The following ZNF74 variants were observed in gnomAD, a reference collection of about 807,000 sequenced individuals.
The protein encoded by ZNF74 is zinc finger protein 74.
In ZNF74, 12 loss-of-function variants were observed where a neutral mutation model predicts 17.7. That is an observed-to-expected ratio of 0.68 (90% CI 0.43 to 1.10). ZNF74 has a LOEUF of 1.10. ZNF74 is among the 50% of genes least tolerant of loss of function. The probability of loss-of-function intolerance (pLI) is 0.00; values close to 1 mark genes in which losing one functional copy is unlikely to be tolerated. For synonymous variants in ZNF74, 358 were observed against 362.1 expected (o/e 0.99, Z 0.13); for missense variants, 811 against 881.0 (o/e 0.92, Z 1.01).
In ZNF74 at chr22:20,405,709, C is replaced by G. The variant is rs554990246; in HGVS notation, c.676C>G (p.Pro226Ala). Reference sequence around the variant, plus strand: ...GTGTGCAGGGGAAAACGCCTCCACGCCAAGTGAGCCAGAAAAGTTCCCCCA... The same window carrying G: ...GTGTGCAGGGGAAAACGCCTCCACGGCAAGTGAGCCAGAAAAGTTCCCCCA... Reference protein sequence around the residue: ...RLCAGENASTPSEPEKFPQVR... With the variant: ...RLCAGENASTASEPEKFPQVR... Residue 226 changes from proline (P) to alanine (A), a missense_variant, in exon 5 of 5, where the codon CCA (proline) becomes GCA (alanine). Physicochemically the swap from Pro to Ala is conservative, Grantham distance 27 (BLOSUM62 -1). Coordinates refer to ENST00000400451, the MANE Select transcript of ZNF74 (RefSeq NM_003426.4). 71 of 1,603,790 alleles carry G rather than the reference C, an allele frequency of 4.4e-5. No individual in the cohort carries two copies. The South Asian group carries it at 7.9e-4, about 18-fold the overall frequency.
At chr22:20,397,327 G>T (rs2052306510) in intron 2 of ZNF74, among the ~76,000 whole-genome samples, 1 of 152,162 alleles carries the variant, frequency 6.6e-6, no homozygotes, top group African/African-American at 2.4e-5. Context: ...TGTGTTCTCA[G>T]CATTTGTCCT....
Position 20,395,424 on chromosome 22 carries a change from T to C in ZNF74, c.120+6T>C. On this transcript the variant is annotated splice_donor_region_variant and intron_variant, in intron 2 of 4. Coordinates refer to ENST00000400451, the MANE Select transcript of ZNF74 (RefSeq NM_003426.4). Reference sequence around the variant, plus strand: ...TTCCCGAAGCCAGGTCCAAGGTGAGTGGCTGTGTGTTCTTCCTTCTTTATG... The same window carrying C: ...TTCCCGAAGCCAGGTCCAAGGTGAGCGGCTGTGTGTTCTTCCTTCTTTATG... 2 of 1,593,888 alleles carry C rather than the reference T, an allele frequency of 1.3e-6. No individual in the cohort carries two copies. Among genetic ancestry groups the C allele is most frequent in the Non-Finnish European group, 1.7e-6 (2 of 1,164,342 alleles).
intron 1 of ZNF74, chr22:20,394,907 C>A: frequency 1.9e-6 from 1 of 535,406 alleles, no homozygotes; most frequent in Non-Finnish European, 3.3e-6. Context: ...ATTGCAGGCG[C>A]GCGCCACCAC....
chr22:20,400,707 G>C lies in ZNF74; in HGVS notation c.196G>C (p.Ala66Pro), dbSNP rs565757923. 6.2e-7 allele frequency: 1 copy of C among 1,614,164 alleles called. No individual in the cohort carries two copies. The highest frequency in any genetic ancestry group is 8.5e-7 in the Non-Finnish European group (1 of 1,180,018). Residue 66 changes from alanine to proline, a missense_variant, in exon 3 of 5, where the codon GCC becomes CCC. This residue lies in a region of ZNF74 where 666 missense variants were observed against 702.3 expected (regional missense o/e 0.95). Transcript: ENST00000400451. ...EWGQLDSPQR[A>P]LYRDVMLENY... ...GGGTCAACTAGACTCCCCTCAGAGG[G>C]CCTTGTACCGGGATGTGATGTTGGA... is the stretch of plus-strand genomic sequence containing the variant.
At chr22:20,402,312 C>T (rs544800428) in intron 4 of ZNF74, among the ~76,000 whole-genome samples, 1 of 152,300 alleles carries the variant, frequency 6.6e-6, no homozygotes. Context: ...CTGATGCTTG[C>T]TTTGTCCTCT....
At position 20,405,673 on chromosome 22, in the gene ZNF74, C is replaced by T. The variant is rs771135714; in HGVS notation, c.640C>T (p.Pro214Ser). Residue 214 changes from proline (P) to serine (S), a missense_variant, in exon 5 of 5, where the codon CCC becomes TCC. Transcript: ENST00000400451. ...VQATEGRTKA[P>S]ARLCAGENAS... ...GGCCACTGAGGGCAGAACCAAGGCC[C>T]CCGCGAGACTGTGTGCAGGGGAAAA... is the stretch of plus-strand genomic sequence containing the variant. 6.2e-7 allele frequency: 1 copy of T among 1,610,940 alleles called. No homozygotes were observed. The highest frequency in any genetic ancestry group is 8.5e-7 in the Non-Finnish European group (1 of 1,178,702).
Position 20,401,329 on chromosome 22 carries a change from G to A in ZNF74, c.300G>A (p.Glu100=). 6.2e-7 allele frequency: 1 copy of A among 1,611,538 alleles called. No individual in the cohort carries two copies. The highest frequency in any genetic ancestry group is 8.5e-7 in the Non-Finnish European group (1 of 1,178,906). The change falls in exon 4 of 5, where the codon GAG becomes GAA. Residue 100 remains glutamate, a synonymous_variant. Transcript: ENST00000400451. The surrounding 1 kb of genome is among the most constrained non-coding windows in gnomAD (Gnocchi z 4.2). ...DVISHLERGE[E]PWSMQREVPR... ...TCTCTCATCTGGAACGAGGCGAGGA[G>A]CCATGGAGCATGCAGAGGGAAGTCC...
chr22:20,395,010 C>T (rs1441822541), intron 1 of ZNF74: 1 of 443,780 alleles, frequency 2.3e-6, no homozygotes, highest in Non-Finnish European at 4.0e-6. Flanking sequence ...GCCTCGGCCT[C>T]CCAAAGTGCT....
chr22:20,406,722 G>C lies in ZNF74; in HGVS notation c.1689G>C (p.Glu563Asp), dbSNP rs2052435160. 1.2e-6 allele frequency: 2 copies of C among 1,614,182 alleles called. No individual in the cohort carries two copies. Among genetic ancestry groups the C allele is most frequent in the Non-Finnish European group, 1.7e-6 (2 of 1,180,040 alleles). The change falls in exon 5 of 5, where the codon GAG becomes GAC. Residue 563 changes from glutamate (E) to aspartate (D), a missense_variant. Glu to Asp is a conservative substitution (Grantham distance 45). Transcript: ENST00000400451. ...EKSFKCEKCG[E>D]MFNWSSHLTE... Reference sequence around the variant, plus strand: ...CGTTTAAGTGTGAGAAATGTGGGGAGATGTTCAACTGGAGCTCGCACCTCA... The same window carrying C: ...CGTTTAAGTGTGAGAAATGTGGGGACATGTTCAACTGGAGCTCGCACCTCA...
intron 2 of ZNF74, chr22:20,399,552 A>G: frequency 2.5e-6 from 1 of 396,404 alleles, no homozygotes; most frequent in Non-Finnish European, 4.9e-6. Flanking sequence ...AATTATTAAT[A>G]TGGTTGGATT....
In ZNF74 at chr22:20,405,860, A is replaced by G; in HGVS notation, c.827A>G (p.Tyr276Cys). The change falls in exon 5 of 5, where the codon TAC becomes TGC. Residue 276 changes from tyrosine (Y) to cysteine (C), a missense_variant. By Grantham distance (194) the Tyr-to-Cys change is radical (BLOSUM62 -2). Transcript: ENST00000400451. ...HRRWHSREKA[Y>C]KCDECGKAFT... ...CGCTGGCACAGCCGGGAGAAGGCTTACAAGTGCGATGAATGCGGCAAGGCC... is the reference window on the plus strand; with the variant it reads ...CGCTGGCACAGCCGGGAGAAGGCTTGCAAGTGCGATGAATGCGGCAAGGCC... 1 of 1,613,656 alleles carries G rather than the reference A, an allele frequency of 6.2e-7. No homozygotes were observed. Among genetic ancestry groups the G allele is most frequent in the Non-Finnish European group, 8.5e-7 (1 of 1,179,892 alleles).
rs755190765 is a variant in ZNF74, at chr22:20,406,403, C to A, written c.1370C>A (p.Ala457Glu). The A allele has an allele frequency of 8.1e-6, 13 of 1,613,812 alleles. No homozygotes were observed. Among genetic ancestry groups the A allele is most frequent in the Non-Finnish European group, 1.0e-5 (12 of 1,179,988 alleles). The change falls in exon 5 of 5, where the codon GCG becomes GAG. Residue 457 changes from alanine (A) to glutamate (E), a missense_variant. This residue lies in a region of ZNF74 where 666 missense variants were observed against 702.3 expected (regional missense o/e 0.95). Transcript: ENST00000400451. ...TGCGGGAAGGGCTTCAGCTGCCACG[C>A]GTACCTGCTCGTGCACCGGCGCATC... The part of the protein sequence containing the change: ...ADCGKGFSCH[A>E]YLLVHRRIHS...
At chr22:20,394,949 C>T (rs1459360798) in intron 1 of ZNF74, 2 of 476,418 alleles carry the variant, frequency 4.2e-6, no homozygotes, top group African/African-American at 2.0e-5. Context: ...TTAGTAGAGA[C>T]GGGGTTTTGC....
At position 20,403,109 on chromosome 22, in the gene ZNF74, G is replaced by C; in HGVS notation, c.343+1737G>C. ...ATTGCACAGTATCCCTTAGATGAAT[G>C]TGCCCTGCTGTGTTGTTGGCCCTAT... On this transcript the variant is annotated intron_variant, in intron 4 of 4. Coordinates refer to ENST00000400451, the MANE Select transcript of ZNF74 (RefSeq NM_003426.4). Among the ~76,000 whole-genome samples, 2 of 152,094 alleles carry C rather than the reference G, an allele frequency of 1.3e-5. 1 individual carries two copies. Among genetic ancestry groups the C allele is most frequent in the East Asian group, 3.9e-4 (2 of 5,186 alleles).
chr22:20,404,823 C>G (rs999706359), intron 4 of ZNF74, among the ~76,000 whole-genome samples: 1 of 152,176 alleles, frequency 6.6e-6, no homozygotes, highest in Non-Finnish European at 1.5e-5. Flanking sequence ...TTTGTTAGTC[C>G]TAGCTACTCG....
rs1210725386 is a variant in ZNF74, at chr22:20,400,677, G to A, written c.166G>A (p.Glu56Lys). ...KDVAVDFTQE[E>K]WGQLDSPQRA... ...TGTGGCTGTGGACTTCACCCAGGAG[G>A]AGTGGGGTCAACTAGACTCCCCTCA... is the stretch of plus-strand genomic sequence containing the variant. Residue 56 changes from glutamate to lysine, a missense_variant, in exon 3 of 5, where the codon GAG becomes AAG. Transcript: ENST00000400451. 2 of 1,614,180 alleles carry A rather than the reference G, an allele frequency of 1.2e-6. No individual in the cohort carries two copies. The highest frequency in any genetic ancestry group is 2.7e-5 in the African/African-American group (2 of 75,042).
chr22:20,394,856 G>A (rs1353643254), intron 1 of ZNF74, 194 bp downstream of exon 1: 2 of 581,778 alleles, frequency 3.4e-6, no homozygotes, highest in South Asian at 2.2e-5. Flanking sequence ...TGCTTCCCGG[G>A]TTCAAACTAT....
intron 4 of ZNF74, among the ~76,000 whole-genome samples, chr22:20,404,586 C>T (rs2052391924): frequency 6.6e-6 from 1 of 152,102 alleles, no homozygotes; most frequent in Non-Finnish European, 1.5e-5. Flanking sequence ...TCCCAAAGTG[C>T]TGGGATTACA....
intron 1 of ZNF74, 67 bp downstream of exon 1, chr22:20,394,729 G>T: frequency 6.8e-7 from 1 of 1,462,022 alleles, no homozygotes; most frequent in Non-Finnish European, 9.5e-7. Flanking sequence ...CACTCAGAGA[G>T]ATCAGGCCAG....
Sources: allele counts gnomAD v4.1 joint callset (sites outside exome capture counted in the v4.1 genomes callset), GRCh38; gene constraint gnomAD v4.1.1; regional missense constraint gnomAD v4.1.1; non-coding constraint Gnocchi (gnomAD v3.1); transcripts MANE v1.5; gene names NCBI Gene and HGNC (gene_info 2026-07-23, HGNC 2026-07-21).